MSI2: variants seen among roughly 807,000 people sequenced by gnomAD.
The protein encoded by MSI2 is musashi RNA binding protein 2.
MSI2 carries 17 observed loss-of-function variants against 45.6 expected under a neutral mutation model. That is an observed-to-expected ratio of 0.37 (90% confidence interval 0.26 to 0.56). MSI2 has a LOEUF of 0.56. Among genes scored for constraint, MSI2 ranks in the 20% least tolerant of loss-of-function variants. The probability of loss-of-function intolerance (pLI) is 0.77; values close to 1 mark genes in which losing one functional copy is unlikely to be tolerated. For synonymous variants in MSI2, 156 were observed against 158.2 expected, an observed-to-expected ratio of 0.99 and a Z score of 0.11; for missense variants, 293 against 444.2, an observed-to-expected ratio of 0.66 and a Z score of 3.06.
At chr17:57,618,118 G>A (rs1219667867) in intron 9 of MSI2, 1 of 144,950 alleles carries the variant, frequency 6.9e-6, no homozygotes, top group Non-Finnish European at 1.5e-5. Flanking sequence ...GCGGGGTGTG[G>A]TGGCGTGCAC....
At chr17:57,483,730 G>T (rs114524342) in intron 6 of MSI2, among the ~76,000 whole-genome samples, 1 of 152,158 alleles carries the variant, frequency 6.6e-6, no homozygotes, top group African/African-American at 2.4e-5. Flanking sequence ...GAAACTACAC[G>T]CTGGATTCAG....
intron 5 of MSI2, among the ~76,000 whole-genome samples, chr17:57,393,182 C>A (rs991661721): frequency 1.3e-5 from 2 of 152,118 alleles, no homozygotes; most frequent in African/African-American, 2.4e-5. Flanking sequence ...CCAGAATGCT[C>A]AAAAATCTGA....
intron 12 of MSI2, among the ~76,000 whole-genome samples, chr17:57,675,548 G>A (rs143142052): frequency 7.1e-4 from 108 of 152,286 alleles, no homozygotes; most frequent in African/African-American, 2.5e-3. Flanking sequence ...CTTGATCCCC[G>A]CTTTCTGGAC....
chr17:57,631,879 A>G (rs1909407099), intron 10 of MSI2: 2 of 1,607,296 alleles, frequency 1.2e-6, no homozygotes, highest in East Asian at 4.5e-5. Flanking sequence ...ATTTCTAGAG[A>G]GAGAGGACAC....
At chr17:57,509,612 T>C (rs2086308029) in intron 6 of MSI2, among the ~76,000 whole-genome samples, 1 of 152,028 alleles carries the variant, frequency 6.6e-6, no homozygotes, top group East Asian at 1.9e-4. Flanking sequence ...GTAGAGATGG[T>C]GTTTCACCAT....
chr17:57,318,967 C>A (rs1913095614), intron 5 of MSI2, among the ~76,000 whole-genome samples: 1 of 152,196 alleles, frequency 6.6e-6, no homozygotes, highest in Admixed American at 6.5e-5. Flanking sequence ...GCCTGTGGCT[C>A]CAGGGCCAGC....
At chr17:57,667,060 G>T (rs1429678364) in intron 11 of MSI2, among the ~76,000 whole-genome samples, 7 of 152,160 alleles carry the variant, frequency 4.6e-5, no homozygotes, top group Non-Finnish European at 1.0e-4. Context: ...CAAAGGCTCT[G>T]GTATCACCCA....
chr17:57,696,444 G>A, the MSI2 span, among the ~76,000 whole-genome samples: 1 of 152,190 alleles, frequency 6.6e-6, no homozygotes, highest in African/African-American at 2.4e-5. Flanking sequence ...TCATATTAAA[G>A]TTTTTAGAAT....
the MSI2 span, among the ~76,000 whole-genome samples, chr17:57,695,322 C>T: frequency 6.6e-6 from 1 of 152,222 alleles, no homozygotes; most frequent in Admixed American, 6.5e-5. Context: ...GAGTATGACT[C>T]AGTCTCCCTC....
intron 6 of MSI2, among the ~76,000 whole-genome samples, chr17:57,505,384 C>A (rs184239079): frequency 2.8e-4 from 43 of 152,100 alleles, no homozygotes; most frequent in African/African-American, 9.4e-4. Flanking sequence ...GGGTAGAGCA[C>A]CTGGGGCCTA....
At chr17:57,697,436 A>G in the MSI2 span, among the ~76,000 whole-genome samples, 1 of 151,858 alleles carries the variant, frequency 6.6e-6, no homozygotes, top group African/African-American at 2.4e-5. Context: ...TCACTCGCAG[A>G]CACTCGCTCT....
intron 4 of MSI2, 106 bp from the exon 5 acceptor site, chr17:57,262,045 C>A: frequency 8.1e-7 from 1 of 1,240,622 alleles, no homozygotes; most frequent in East Asian, 2.4e-5. Flanking sequence ...TTACTAAAAG[C>A]TGGATTATAA....
chr17:57,318,323 C>G (rs1202204513), intron 5 of MSI2, among the ~76,000 whole-genome samples: 1 of 152,018 alleles, frequency 6.6e-6, no homozygotes. Flanking sequence ...AGTGCTCTTT[C>G]ATCGGAGCCT....
At chr17:57,654,235 G>T (rs1379351459) in intron 11 of MSI2, among the ~76,000 whole-genome samples, 1 of 152,210 alleles carries the variant, frequency 6.6e-6, no homozygotes, top group Admixed American at 6.5e-5. Flanking sequence ...GTGCCCCAGG[G>T]CAATGACTAG....
chr17:57,635,943 A>G (rs1909801516), intron 10 of MSI2, among the ~76,000 whole-genome samples: 1 of 152,168 alleles, frequency 6.6e-6, no homozygotes, highest in Non-Finnish European at 1.5e-5. Context: ...ATTCCTGTCC[A>G]ATGATGGTTC....
At chr17:57,601,222 C>G (rs1317288556) in intron 8 of MSI2, 1 of 152,240 alleles carries the variant, frequency 6.6e-6, no homozygotes, top group Non-Finnish European at 1.5e-5. Flanking sequence ...TTAACAGGTC[C>G]CAGATCTCCA....
intron 6 of MSI2, chr17:57,522,249 C>T (rs1250545240): frequency 1.3e-5 from 2 of 152,120 alleles, no homozygotes; most frequent in Non-Finnish European, 2.9e-5. Flanking sequence ...CATGGTATTG[C>T]ATTTGAGGGT....
At chr17:57,258,213 G>T (rs1460293145) in intron 3 of MSI2, 57 bp from the exon 4 acceptor site, 3 of 1,503,798 alleles carry the variant, frequency 2.0e-6, no homozygotes, top group Non-Finnish European at 2.8e-6. Context: ...ACTCCTGGTT[G>T]CTTTCAATGG....
chr17:57,434,856 C>T (rs560625392), intron 6 of MSI2, among the ~76,000 whole-genome samples: 17 of 152,096 alleles, frequency 1.1e-4, no homozygotes, highest in African/African-American at 3.9e-4. Context: ...AACAGTGCTG[C>T]AGTGAACATA....
Sources: allele counts gnomAD v4.1 joint callset (sites outside exome capture counted in the v4.1 genomes callset), GRCh38; gene constraint gnomAD v4.1.1; transcripts MANE v1.5; gene names NCBI Gene and HGNC (gene_info 2026-07-23, HGNC 2026-07-21).